Variants in SRRM2 observed in about 807,000 individuals in gnomAD.
The protein encoded by SRRM2 is serine/arginine repetitive matrix protein 2.
In SRRM2, 30 loss-of-function variants were observed where a neutral mutation model predicts 213.8. That is an observed-to-expected ratio of 0.14 (90% CI 0.10 to 0.19). The LOEUF (loss-of-function observed/expected upper bound fraction) is 0.19. Ranked by LOEUF, SRRM2 falls within the 10% of genes least tolerant of loss-of-function variation. SRRM2 has a pLI of 1.00. For missense variants in SRRM2, 4,904 were observed against 3,647.0 expected (o/e 1.34, Z -8.88); for synonymous variants, 2,025 against 1,377.7 (o/e 1.47, Z -10.40).
chr16:2,768,520 G>A (rs748115949), intron 11 of SRRM2: 1 of 682,032 alleles, frequency 1.5e-6, no homozygotes, highest in Non-Finnish European at 2.7e-6. Context: ...AGAACTAGAG[G>A]AAATGGACTT....
chr16:2,765,778 T>C lies in SRRM2; in HGVS notation c.5250T>C (p.Ser1750=). ...RSSRRRRSAS[S]PRTKTTSRRG... ...CACGCCGACGGCGCTCAGCTTCATC[T>C]CCACGCACTAAGACAACCTCAAGGA... Residue 1750 remains serine (S), a synonymous_variant, in exon 11 of 15, where the codon TCT becomes TCC. Transcript: ENST00000301740. 5 of 1,614,068 alleles carry C rather than the reference T, an allele frequency of 3.1e-6. No individual in the cohort carries two copies. In the South Asian group the frequency reaches 5.5e-5, roughly 18 times the overall value.
chr16:2,757,942 A>T lies in SRRM2; in HGVS notation c.512A>T (p.Tyr171Phe), dbSNP rs922857317. The change falls in exon 4 of 15, where the codon TAC (tyrosine) becomes TTC (phenylalanine). Residue 171 changes from tyrosine to phenylalanine, a missense_variant. By Grantham distance (22) the Tyr-to-Phe change is conservative. Transcript: ENST00000301740. ...KQPAPEPPKP[Y>F]SLVRESSSSR... ...CCAGCTCCTGAGCCTCCCAAACCTT[A>T]CAGGTATACAAGGCCAAGAAACCAC... is the stretch of plus-strand genomic sequence containing the variant. 3 of 1,611,788 alleles carry T rather than the reference A, an allele frequency of 1.9e-6. No homozygotes were observed. Among genetic ancestry groups the T allele is most frequent in the Non-Finnish European group, 2.5e-6 (3 of 1,179,160 alleles).
chr16:2,768,046 G>T lies in SRRM2; in HGVS notation c.7518G>T (p.Val2506=). ...CCCCTGGGGTGCCCCACTCTGATGTGGGGGAGCCACCTGCCTCTACTGGGG... is the reference window on the plus strand; with the variant it reads ...CCCCTGGGGTGCCCCACTCTGATGTTGGGGAGCCACCTGCCTCTACTGGGG... The part of the protein sequence containing the change: ...VPAPGVPHSD[V]GEPPASTGAQ... The change falls in exon 11 of 15, where the codon GTG becomes GTT. Residue 2506 remains valine, a synonymous_variant. Transcript: ENST00000301740. 1 of 1,614,112 alleles carries T rather than the reference G, an allele frequency of 6.2e-7. No individual in the cohort carries two copies. The highest frequency in any genetic ancestry group is 1.1e-5 in the South Asian group (1 of 91,084).
rs1387379395 is a variant in SRRM2, at chr16:2,766,597, T to G, written c.6069T>G (p.Pro2023=). ...GCCGCCGCTCTAGGTCCCGGACACC[T>G]CCAGCTATTCGGCGCCGCTCTAGAT... ...VTRRRSRSRT[P]PAIRRRSRSR... Residue 2023 remains proline, a synonymous_variant, in exon 11 of 15, where the codon CCT becomes CCG. Transcript: ENST00000301740. The surrounding 1 kb of genome is among the most constrained non-coding windows in gnomAD (Gnocchi z 7.0). 2.5e-6 allele frequency: 4 copies of G among 1,613,180 alleles called. No individual in the cohort carries two copies. In the South Asian group the frequency reaches 4.4e-5, roughly 18 times the overall value.
At chr16:2,770,771 G>C in intron 14 of SRRM2, 54 bp downstream of exon 14, 1 of 1,603,644 alleles carries the variant, frequency 6.2e-7, no homozygotes, top group South Asian at 1.1e-5. Flanking sequence ...GTGGTGGTGG[G>C]TGGCGGCCCC....
chr16:2,757,960 G>A lies in SRRM2; in HGVS notation c.515+15G>A, dbSNP rs1339878444. 6.3e-7 allele frequency: 1 copy of A among 1,598,384 alleles called. No individual in the cohort carries two copies. Among genetic ancestry groups the A allele is most frequent in the South Asian group, 1.1e-5 (1 of 89,856 alleles). ...AAACCTTACAGGTATACAAGGCCAA[G>A]AAACCACTGTCAGCTTCTTTTCTTG... is the stretch of plus-strand genomic sequence containing the variant. On this transcript the variant is annotated intron_variant, in intron 4 of 14. Coordinates refer to ENST00000301740, the MANE Select transcript of SRRM2 (RefSeq NM_016333.4).
chr16:2,759,579 A>G lies in SRRM2; in HGVS notation c.751A>G (p.Thr251Ala), dbSNP rs1385599418. 1 of 1,614,128 alleles carries G rather than the reference A, an allele frequency of 6.2e-7. No individual in the cohort carries two copies. Among genetic ancestry groups the G allele is most frequent in the East Asian group, 2.2e-5 (1 of 44,866 alleles). The change falls in exon 9 of 15, where the codon ACA becomes GCA. Residue 251 changes from threonine to alanine, a missense_variant. Transcript: ENST00000301740. ...KDKKRKRSRS[T>A]TPAPKSRRAH... ...GTGGTCTTCCTTCAGGTCTCGAAGT[A>G]CAACACCAGCCCCCAAGAGCCGCCG...
At chr16:2,761,121 C>G (rs1321423302) in intron 10 of SRRM2, among the ~76,000 whole-genome samples, 1 of 152,242 alleles carries the variant, frequency 6.6e-6, no homozygotes, top group African/African-American at 2.4e-5. Flanking sequence ...TTCCTGTACT[C>G]TACCCATCCT....
chr16:2,762,563 G>A lies in SRRM2; in HGVS notation c.2035G>A (p.Gly679Ser). ...SRSRTPARRSGRSRSRTPARR... is the reference protein window; with the variant it reads ...SRSRTPARRSSRSRSRTPARR... ...CTCTAGAACCCCAGCTAGACGCAGT[G>A]GTCGCTCACGCTCCAGAACACCAGC... The change falls in exon 11 of 15, where the codon GGT becomes AGT. Residue 679 changes from glycine (G) to serine (S), a missense_variant. By Grantham distance (56) the Gly-to-Ser change is moderately conservative (BLOSUM62 0). Transcript: ENST00000301740. The A allele has an allele frequency of 6.2e-7, 1 of 1,613,840 alleles. No homozygotes were observed. The highest frequency in any genetic ancestry group is 8.5e-7 in the Non-Finnish European group (1 of 1,179,974).
chr16:2,754,153 C>T (rs1373366520), intron 1 of SRRM2, among the ~76,000 whole-genome samples: 3 of 152,010 alleles, frequency 2.0e-5, no homozygotes, highest in Non-Finnish European at 2.9e-5. Flanking sequence ...TGTTGATCTT[C>T]CTACTTTCTG....
intron 7 of SRRM2, 45 bp from the exon 8 acceptor site, chr16:2,759,307 C>T (rs762505544): frequency 3.1e-6 from 5 of 1,610,092 alleles, no homozygotes; most frequent in African/African-American, 2.7e-5. Flanking sequence ...GTTTTATTTC[C>T]TTTTTTAAAG....
At position 2,764,074 on chromosome 16, in the gene SRRM2, A is replaced by T. The variant is rs373264531; in HGVS notation, c.3546A>T (p.Arg1182Ser). The change falls in exon 11 of 15, where the codon AGA becomes AGT. Residue 1182 changes from arginine to serine, a missense_variant. Coordinates refer to ENST00000301740, the MANE Select transcript of SRRM2 (RefSeq NM_016333.4). ...AGGATGCTACTGCATCACCTCCTAG[A>T]CAGAAAGACAAATTTAGTCCCTTTC... ...PQEDATASPPRQKDKFSPFPV... is the reference protein window; with the variant it reads ...PQEDATASPPSQKDKFSPFPV... The T allele has an allele frequency of 6.2e-7, 1 of 1,614,044 alleles. No homozygotes were observed. Among genetic ancestry groups the T allele is most frequent in the African/African-American group, 1.3e-5 (1 of 74,938 alleles).
chr16:2,769,277 G>A lies in SRRM2; in HGVS notation c.8014G>A (p.Glu2672Lys), dbSNP rs988841870. 3.2e-6 allele frequency: 5 copies of A among 1,557,826 alleles called. No homozygotes were observed. In the African/African-American group the frequency reaches 4.1e-5, roughly 13 times the overall value. Residue 2672 changes from glutamate to lysine, a missense_variant, in exon 12 of 15, where the codon GAG (glutamate) becomes AAG (lysine). Coordinates refer to ENST00000301740, the MANE Select transcript of SRRM2 (RefSeq NM_016333.4). The stretch of plus-strand genomic sequence containing the variant: ...AAGCCCCAAGAAGCCACCCCCTGGC[G>A]AGCGGAGGTGAGTGCTGTCTTGCCT... ...PASPKKPPPG[E>K]RRSRSPRKPI... is the part of the protein sequence containing the mutation.
At position 2,762,740 on chromosome 16, in the gene SRRM2, CAAA is replaced by C. The variant is rs770297249; in HGVS notation, c.2213_2215del (p.Gln738del). 3.5e-5 allele frequency: 56 copies of C among 1,614,060 alleles called. No homozygotes were observed. The highest frequency in any genetic ancestry group is 5.0e-5 in the Admixed American group (3 of 60,008). On this transcript the variant is annotated inframe_deletion, in exon 11 of 15. Coordinates refer to ENST00000301740, the MANE Select transcript of SRRM2 (RefSeq NM_016333.4). ...GCGGAAAAACAAATCCAGAACATCT[CAAA>C]GAAGAAGCAGGTCCAATTCAAGCCC...
chr16:2,770,746 T>G, intron 14 of SRRM2, 29 bp downstream of exon 14: 1 of 1,587,912 alleles, frequency 6.3e-7, no homozygotes, highest in Non-Finnish European at 8.6e-7. Flanking sequence ...TGATGCCCCC[T>G]TCCGGGAGCC....
Position 2,756,554 on chromosome 16 carries a change from C to A in SRRM2, c.190C>A (p.Arg64=). 1 of 1,613,980 alleles carries A rather than the reference C, an allele frequency of 6.2e-7. No individual in the cohort carries two copies. The highest frequency in any genetic ancestry group is 8.5e-7 in the Non-Finnish European group (1 of 1,179,950). ...NPDILDHERK[R]RVELRCLELE... ...TGACATCCTGGACCACGAGCGCAAG[C>A]GGCGCGTCGAGCTGCGATGCCTCGA... The change falls in exon 2 of 15, where the codon CGG becomes AGG. Residue 64 remains arginine, a synonymous_variant. Transcript: ENST00000301740.
In SRRM2 at chr16:2,767,335, C is replaced by G. The variant is rs761176182; in HGVS notation, c.6807C>G (p.Asn2269Lys). ...CGCCAGCTGCAGCAGCGGCCATGAA[C>G]TTGGCCAGCCCCAGAACAGCGGTGG... ...SRTPAAAAAM[N>K]LASPRTAVAP... Residue 2269 changes from asparagine (N) to lysine (K), a missense_variant, in exon 11 of 15, where the codon AAC becomes AAG. By Grantham distance (94) the Asn-to-Lys change is moderately conservative. Transcript: ENST00000301740. 1 of 1,613,908 alleles carries G rather than the reference C, an allele frequency of 6.2e-7. No individual in the cohort carries two copies. The highest frequency in any genetic ancestry group is 2.2e-5 in the East Asian group (1 of 44,890).
chr16:2,758,023 G>T (rs1025328382), intron 4 of SRRM2, 78 bp downstream of exon 4: 1 of 1,506,470 alleles, frequency 6.6e-7, no homozygotes. Flanking sequence ...CTTTTTGCGG[G>T]CTGGTTTCTT....
rs776960231 is a variant in SRRM2, at chr16:2,767,850, C to T, written c.7322C>T (p.Pro2441Leu). ...CAGGCTCCTTCACAGTCTCTTCTCC[C>T]TCCAGCACAGGATCAGCCGAGGTCT... is the stretch of plus-strand genomic sequence containing the variant. ...MGQAPSQSLLPPAQDQPRSPV... is the reference protein window; with the variant it reads ...MGQAPSQSLLLPAQDQPRSPV... The change falls in exon 11 of 15, where the codon CCT (proline) becomes CTT (leucine). Residue 2441 changes from proline (P) to leucine (L), a missense_variant. Transcript: ENST00000301740. The T allele has an allele frequency of 4.3e-6, 7 of 1,614,116 alleles. No individual in the cohort carries two copies. The highest frequency in any genetic ancestry group is 2.2e-5 in the East Asian group (1 of 44,890).
Sources: allele counts gnomAD v4.1 joint callset (sites outside exome capture counted in the v4.1 genomes callset), GRCh38; gene constraint gnomAD v4.1.1; non-coding constraint Gnocchi (gnomAD v3.1); transcripts MANE v1.5; gene names NCBI Gene and HGNC (gene_info 2026-07-23, HGNC 2026-07-21).